Variants in PRR12 observed in about 807,000 individuals in gnomAD.
PRR12 encodes the protein proline-rich protein 12.
PRR12 carries 12 observed loss-of-function variants against 138.0 expected under a neutral mutation model. The observed-to-expected ratio is 0.09, with a 90% CI of 0.06 to 0.14. The LOEUF is 0.14. PRR12 is among the 10% of genes least tolerant of loss of function. PRR12 has a pLI of 1.00. For missense variants in PRR12, 2,692 were observed against 2,861.3 expected (o/e 0.94, Z 1.35); for synonymous variants, 1,567 against 1,291.7 (o/e 1.21, Z -4.57).
chr19:49,624,587 C>T (rs1337746882), intron 11 of PRR12, among the ~76,000 whole-genome samples: 1 of 150,048 alleles, frequency 6.7e-6, no homozygotes, highest in East Asian at 2.0e-4. Context: ...GCTGGGAATT[C>T]TGGGGTAGAT....
Position 49,625,123 on chromosome 19 carries a change from G to A in PRR12, c.5887G>A (p.Glu1963Lys), listed in dbSNP as rs1197241145. 8 of 1,613,654 alleles carry A rather than the reference G, an allele frequency of 5.0e-6. No homozygotes were observed. The highest frequency in any genetic ancestry group is 2.2e-5 in the East Asian group (1 of 44,860). Residue 1963 changes from glutamate to lysine, a missense_variant, in exon 13 of 14, where the codon GAA (glutamate) becomes AAA (lysine). By Grantham distance (56) the Glu-to-Lys change is moderately conservative (BLOSUM62 1). This residue lies in a region of PRR12 where 116 missense variants were observed against 243.4 expected (regional missense o/e 0.48). Coordinates refer to ENST00000418929, the MANE Select transcript of PRR12 (RefSeq NM_020719.3). This position sits in a 1 kb window ranked among gnomAD's most constrained non-coding sequence, Gnocchi z 5.5. ...TACCCAGGAGTTCAAGGTTGAGCTG[G>A]AAAAGTCGGGATACTATACACTCTA... ...VRAQEFKVELEKSGYYTLYHS... is the reference protein window; with the variant it reads ...VRAQEFKVELKKSGYYTLYHS...
At position 49,611,592 on chromosome 19, in the gene PRR12, C is replaced by T. The variant is rs2080866040; in HGVS notation, c.4774-2941C>T. 2.0e-5 allele frequency among the ~76,000 whole-genome samples: 3 copies of T among 148,636 alleles called. No individual in the cohort carries two copies. The Admixed American group carries it at 2.0e-4, about 10-fold the overall frequency. ...GGCAGAGATTTCAGTGAGCTGAAAT[C>T]ACGTCACTGTACTCCACCCTAGGCG... On this transcript the variant is annotated intron_variant, in intron 6 of 13. Transcript: ENST00000418929.
Position 49,597,434 on chromosome 19 carries a change from C to G in PRR12, c.3099C>G (p.Gly1033=), listed in dbSNP as rs1360314126. ...NAEPLGLIQS[G]PHQAAPPPPP... The stretch of plus-strand genomic sequence containing the variant: ...AGCCGCTGGGCCTGATCCAGAGTGG[C>G]CCCCACCAGGCGGCGCCACCACCCC... Residue 1033 remains glycine, a synonymous_variant, in exon 4 of 14, where the codon GGC becomes GGG. Transcript: ENST00000418929. The surrounding 1 kb of genome is among the most constrained non-coding windows in gnomAD (Gnocchi z 6.3). The G allele has an allele frequency of 1.3e-6, 2 of 1,538,254 alleles. No individual in the cohort carries two copies. The highest frequency in any genetic ancestry group is 1.7e-6 in the Non-Finnish European group (2 of 1,145,710).
chr19:49,604,549 G>T (rs942968212), intron 6 of PRR12, among the ~76,000 whole-genome samples: 1 of 151,882 alleles, frequency 6.6e-6, no homozygotes, highest in African/African-American at 2.4e-5. Flanking sequence ...ATGGTGGCAG[G>T]CGCCTGTAGT....
intron 1 of PRR12, 98 bp from the exon 2 acceptor site, chr19:49,593,229 A>G (rs1488259581): frequency 5.8e-6 from 2 of 345,892 alleles, no homozygotes. Context: ...CACCCCGGTC[A>G]GCTGGAAGGG....
At chr19:49,598,546 A>C (rs556327161) in intron 4 of PRR12, among the ~76,000 whole-genome samples, 39 of 151,784 alleles carry the variant, frequency 2.6e-4, no homozygotes, top group Middle Eastern at 3.4e-3. Context: ...TAGGCTGGGC[A>C]GTGTGGTTCA....
Position 49,601,513 on chromosome 19 carries a change from A to AC in PRR12, c.4373dup (p.Pro1459ThrfsTer70). 1 of 1,509,932 alleles carries AC rather than the reference A, an allele frequency of 6.6e-7. No individual in the cohort carries two copies. The highest frequency in any genetic ancestry group is 9.0e-7 in the Non-Finnish European group (1 of 1,116,058). The allele number at this position is 1,509,932 out of a possible 1,614,324, so 93.5% of individuals were successfully genotyped here. On this transcript the variant is annotated frameshift_variant, in exon 6 of 14. Transcript: ENST00000418929. LOFTEE classifies it high-confidence loss of function. Reference sequence around the variant, plus strand: ...CAGAGCCCCCGCTGCTGGAGGAGAAACCCCCACCCACTCCACCTCCTGCCC... The same window carrying AC: ...CAGAGCCCCCGCTGCTGGAGGAGAAACCCCCCACCCACTCCACCTCCTGCCC...
At position 49,591,718 on chromosome 19, in the gene PRR12, T is replaced by C; in HGVS notation, c.64T>C (p.Tyr22His). 1.3e-6 allele frequency: 2 copies of C among 1,483,130 alleles called. No individual in the cohort carries two copies. The highest frequency in any genetic ancestry group is 2.3e-5 in the Admixed American group (1 of 43,484). The allele number at this position is 1,483,130 out of a possible 1,614,324, so 91.9% of individuals were successfully genotyped here. ...GCTCGGCGCCGGGGCGGGATGGAGTTACGAGAGGTCAGCGAAAGCTAGGTA... is the reference window on the plus strand; with the variant it reads ...GCTCGGCGCCGGGGCGGGATGGAGTCACGAGAGGTCAGCGAAAGCTAGGTA... ...DPLGAGAGWSYERSAKASLVY... is the reference protein window; with the variant it reads ...DPLGAGAGWSHERSAKASLVY... Residue 22 changes from tyrosine to histidine, a missense_variant, in exon 1 of 14, where the codon TAC (tyrosine) becomes CAC (histidine). Around this residue, in one of 11 missense-constraint regions of PRR12, gnomAD observed 211 missense variants for 266.3 expected, o/e 0.79. Transcript: ENST00000418929.
At position 49,593,330 on chromosome 19, in the gene PRR12, G is replaced by T. The variant is rs375828720; in HGVS notation, c.90G>T (p.Leu30Phe). Reference sequence around the variant, plus strand: ...GACGTCTCCCCTTTCCCCCCAGCTTGGTTTATGGCAGCTCCAGGACCTCGC... The same window carrying T: ...GACGTCTCCCCTTTCCCCCCAGCTTTGTTTATGGCAGCTCCAGGACCTCGC... ...WSYERSAKAS[L>F]VYGSSRTSHP... The change falls in exon 2 of 14, where the codon TTG (leucine) becomes TTT (phenylalanine). Residue 30 changes from leucine (L) to phenylalanine (F), a missense_variant. Physicochemically the swap from Leu to Phe is conservative, Grantham distance 22. Around this residue, in one of 11 missense-constraint regions of PRR12, gnomAD observed 211 missense variants for 266.3 expected, o/e 0.79. Transcript: ENST00000418929. The T allele has an allele frequency of 6.7e-5, 106 of 1,587,822 alleles. No homozygotes were observed. Among genetic ancestry groups the T allele is most frequent in the Non-Finnish European group, 8.5e-5 (99 of 1,161,294 alleles).
In PRR12 at chr19:49,594,654, TG is replaced by T. The variant is rs1239528705; in HGVS notation, c.361+41del. 1 of 1,610,706 alleles carries T rather than the reference TG, an allele frequency of 6.2e-7. No individual in the cohort carries two copies. Among genetic ancestry groups the T allele is most frequent in the African/African-American group, 1.3e-5 (1 of 74,890 alleles). On this transcript the variant is annotated intron_variant, in intron 3 of 13. Transcript: ENST00000418929. The surrounding 1 kb of genome is among the most constrained non-coding windows in gnomAD (Gnocchi z 5.6). ...CGGCCCTGCAGGGCCAGGGTGGGAC[TG>T]GCTCGCTGTTCTCTCTGACGCGCGG...
In PRR12 at chr19:49,595,103, C is replaced by T. The variant is rs372526482; in HGVS notation, c.768C>T (p.Ala256=). The T allele has an allele frequency of 1.2e-5, 20 of 1,611,964 alleles. No individual in the cohort carries two copies. The highest frequency in any genetic ancestry group is 1.1e-4 in the African/African-American group (8 of 74,908). ...NLLASSSAAA[A]AAEQSSPQLY... is the part of the protein sequence containing the mutation. ...TGGCTTCCTCTTCCGCTGCCGCCGC[C>T]GCTGCCGAGCAGTCCTCCCCACAGC... The change falls in exon 4 of 14, where the codon GCC becomes GCT. Residue 256 remains alanine, a synonymous_variant. Transcript: ENST00000418929.
intron 6 of PRR12, among the ~76,000 whole-genome samples, chr19:49,609,030 G>A (rs1358018349): frequency 1.3e-5 from 2 of 152,180 alleles, no homozygotes; most frequent in South Asian, 2.1e-4. Flanking sequence ...TCACTGGGTG[G>A]AGACTGGGCA....
Position 49,625,206 on chromosome 19 carries a change from C to G in PRR12, c.5964+6C>G, listed in dbSNP as rs1338420984. ...TCCTGCGCTGCCGGGACCAGGTGAGCCCCACCCACAGCACCCATCGCCCTG... is the reference window on the plus strand; with the variant it reads ...TCCTGCGCTGCCGGGACCAGGTGAGGCCCACCCACAGCACCCATCGCCCTG... On this transcript the variant is annotated splice_donor_region_variant and intron_variant, in intron 13 of 13. Transcript: ENST00000418929. The surrounding 1 kb of genome is among the most constrained non-coding windows in gnomAD (Gnocchi z 5.5). The G allele has an allele frequency of 6.2e-7, 1 of 1,611,184 alleles. No homozygotes were observed. Among genetic ancestry groups the G allele is most frequent in the Admixed American group, 1.7e-5 (1 of 59,960 alleles).
At position 49,599,799 on chromosome 19, in the gene PRR12, C is replaced by T. The variant is rs2080799413; in HGVS notation, c.4206C>T (p.Ile1402=). The T allele has an allele frequency of 3.1e-6, 5 of 1,613,648 alleles. No individual in the cohort carries two copies. Among genetic ancestry groups the T allele is most frequent in the Non-Finnish European group, 4.2e-6 (5 of 1,179,892 alleles). The part of the protein sequence containing the change: ...RDLQESISSA[I]SALDDPPLAG... ...TGCAGGAGAGCATCTCCTCCGCCAT[C>T]TCTGCCCTCGATGACCCACCCCTTG... The change falls in exon 5 of 14, where the codon ATC becomes ATT. Residue 1402 remains isoleucine (I), a synonymous_variant. Transcript: ENST00000418929. This position sits in a 1 kb window ranked among gnomAD's most constrained non-coding sequence, Gnocchi z 5.0.
chr19:49,612,005 G>T (rs1335196774), intron 6 of PRR12, among the ~76,000 whole-genome samples: 1 of 150,602 alleles, frequency 6.6e-6, no homozygotes, highest in Admixed American at 6.7e-5. Context: ...GGCCCAGGCG[G>T]GCGGATCATG....
At chr19:49,593,064 G>A (rs921178058) in intron 1 of PRR12, among the ~76,000 whole-genome samples, 1 of 152,084 alleles carries the variant, frequency 6.6e-6, no homozygotes, top group East Asian at 1.9e-4. Context: ...TGTTAGTCTC[G>A]TCTCTGAGCA....
At position 49,599,056 on chromosome 19, in the gene PRR12, T is replaced by C. The variant is rs1438950711; in HGVS notation, c.3679-216T>C. 7.8e-6 allele frequency among the ~76,000 whole-genome samples: 1 copy of C among 128,536 alleles called. No homozygotes were observed. The highest frequency in any genetic ancestry group is 1.6e-5 in the Non-Finnish European group (1 of 63,778). 84.3% of individuals were successfully genotyped at this position (128,536 alleles called of 152,430 possible). On this transcript the variant is annotated intron_variant, in intron 4 of 13. Transcript: ENST00000418929. This position sits in a 1 kb window ranked among gnomAD's most constrained non-coding sequence, Gnocchi z 5.0. ...GCGGGTCTAGGGACCTGAACTGGGCTGTAAGTGAAGAGGCTCAGTGAGTCC... is the reference window on the plus strand; with the variant it reads ...GCGGGTCTAGGGACCTGAACTGGGCCGTAAGTGAAGAGGCTCAGTGAGTCC...
At position 49,599,910 on chromosome 19, in the gene PRR12, C is replaced by T. The variant is rs1434884943; in HGVS notation, c.4317C>T (p.Leu1439=). 6.2e-7 allele frequency: 1 copy of T among 1,607,790 alleles called. No individual in the cohort carries two copies. The highest frequency in any genetic ancestry group is 1.3e-5 in the African/African-American group (1 of 74,818). Residue 1439 remains leucine, a synonymous_variant, in exon 5 of 14, where the codon CTC becomes CTT. Coordinates refer to ENST00000418929, the MANE Select transcript of PRR12 (RefSeq NM_020719.3). The surrounding 1 kb of genome is among the most constrained non-coding windows in gnomAD (Gnocchi z 5.0). The stretch of plus-strand genomic sequence containing the variant: ...CAGGGCCACCCCCTCTTCCGGGGCT[C>T]CCCAGTGCCAACAGCAATGGCACTC... The part of the protein sequence containing the change: ...AVPGPPPLPG[L]PSANSNGTPE...
rs2080794768 is a variant in PRR12, at chr19:49,599,160, C to A, written c.3679-112C>A. The A allele has an allele frequency of 1.9e-6, 2 of 1,064,452 alleles. No individual in the cohort carries two copies. Among genetic ancestry groups the A allele is most frequent in the Non-Finnish European group, 2.6e-6 (2 of 764,230 alleles). The allele number at this position is 1,064,452 out of a possible 1,614,324, so 65.9% of individuals were successfully genotyped here. On this transcript the variant is annotated intron_variant, in intron 4 of 13. Transcript: ENST00000418929. The surrounding 1 kb of genome is among the most constrained non-coding windows in gnomAD (Gnocchi z 5.0). ...GACAAGGGGTCTGCAGGTTTGAATT[C>A]TATAAATTCACAGGCTGAGCACCTG...
Sources: allele counts gnomAD v4.1 joint callset (sites outside exome capture counted in the v4.1 genomes callset), GRCh38; gene constraint gnomAD v4.1.1; regional missense constraint gnomAD v4.1.1; non-coding constraint Gnocchi (gnomAD v3.1); transcripts MANE v1.5; gene names NCBI Gene and HGNC (gene_info 2026-07-23, HGNC 2026-07-21).